ST6GALNAC5: variants seen among roughly 807,000 people sequenced by gnomAD.
The protein encoded by ST6GALNAC5 is ST6 N-acetylgalactosaminide alpha-2,6-sialyltransferase 5, also known as alpha-N-acetylgalactosaminide alpha-2,6-sialyltransferase 5.
ST6GALNAC5 carries 27 observed loss-of-function variants against 33.6 expected under a neutral mutation model. The observed-to-expected ratio is 0.80, with a 90% CI of 0.59 to 1.11. The LOEUF is 1.11. Among genes scored for constraint, ST6GALNAC5 ranks in the 50% least tolerant of loss-of-function variants. The pLI is 0.00. For synonymous variants in ST6GALNAC5, 194 were observed against 171.2 expected (o/e 1.13, Z -1.04); for missense variants, 428 against 454.0 (o/e 0.94, Z 0.52).
intron 2 of ST6GALNAC5, among the ~76,000 whole-genome samples, chr1:76,951,199 G>C (rs1404980871): frequency 1.3e-5 from 2 of 152,080 alleles, no homozygotes; most frequent in African/African-American, 2.4e-5. Flanking sequence ...CCTGAAAGAT[G>C]GCAGCTTCAA....
At chr1:76,959,033 G>C (rs111726553) in intron 2 of ST6GALNAC5, among the ~76,000 whole-genome samples, 2 of 152,122 alleles carry the variant, frequency 1.3e-5, no homozygotes. Flanking sequence ...AGCATTCACC[G>C]GCTGACTTTC....
chr1:77,034,711 G>A (rs1651587044), intron 2 of ST6GALNAC5, among the ~76,000 whole-genome samples: 1 of 152,220 alleles, frequency 6.6e-6, no homozygotes, highest in South Asian at 2.1e-4. Context: ...AGGTGGTGCA[G>A]AGGAAGGCAG....
intron 2 of ST6GALNAC5, among the ~76,000 whole-genome samples, chr1:76,897,115 T>C: frequency 6.6e-6 from 1 of 151,128 alleles, no homozygotes; most frequent in African/African-American, 2.5e-5. Flanking sequence ...TTGACTGAAG[T>C]AATGGGGGCT....
At chr1:76,924,979 C>T (rs1043159395) in intron 2 of ST6GALNAC5, among the ~76,000 whole-genome samples, 1 of 152,096 alleles carries the variant, frequency 6.6e-6, no homozygotes, top group Non-Finnish European at 1.5e-5. Context: ...CACAGTTCTG[C>T]TGGCTTCACA....
intron 2 of ST6GALNAC5, among the ~76,000 whole-genome samples, chr1:76,900,163 T>C (rs1646803208): frequency 6.6e-6 from 1 of 152,084 alleles, no homozygotes; most frequent in African/African-American, 2.4e-5. Context: ...TGTTCTCTGG[T>C]GGGCAGAGTG....
Position 76,952,998 on chromosome 1 carries a change from G to A in ST6GALNAC5, c.261+84256G>A, listed in dbSNP as rs143965921. 1.2e-4 allele frequency among the ~76,000 whole-genome samples: 19 copies of A among 152,002 alleles called. 1 individual carries two copies. The East Asian group carries it at 2.9e-3, about 23-fold the overall frequency. ...TCACTAAGAATAATACCCTAGTTTC[G>A]TCTACATAGTTGCATGTATCATTTC... On this transcript the variant is annotated intron_variant, in intron 2 of 4. Coordinates refer to ENST00000477717, the MANE Select transcript of ST6GALNAC5 (RefSeq NM_030965.3).
chr1:76,888,944 C>A (rs1653955732), intron 2 of ST6GALNAC5, among the ~76,000 whole-genome samples: 1 of 151,990 alleles, frequency 6.6e-6, no homozygotes, highest in African/African-American at 2.4e-5. Context: ...ACTCTGTTAG[C>A]AATTTTTAAA....
chr1:76,914,826 C>A (rs371842035), intron 2 of ST6GALNAC5, among the ~76,000 whole-genome samples: 26 of 152,194 alleles, frequency 1.7e-4, no homozygotes, highest in African/African-American at 4.1e-4. Flanking sequence ...GCAACAAAAG[C>A]CAAAATTGAC....
At chr1:77,060,718 T>C (rs1461613276) in intron 4 of ST6GALNAC5, among the ~76,000 whole-genome samples, 1 of 152,188 alleles carries the variant, frequency 6.6e-6, no homozygotes, top group Non-Finnish European at 1.5e-5. Context: ...GAGATGGTCT[T>C]CCTGAATAAG....
chr1:76,969,887 G>A (rs935400772), intron 2 of ST6GALNAC5, among the ~76,000 whole-genome samples: 1 of 152,164 alleles, frequency 6.6e-6, no homozygotes, highest in Non-Finnish European at 1.5e-5. Flanking sequence ...TGCAGCCTCT[G>A]CTGGTAATAC....
intron 2 of ST6GALNAC5, among the ~76,000 whole-genome samples, chr1:76,976,093 CA>C (rs929733938): frequency 3.3e-5 from 5 of 151,330 alleles, no homozygotes; most frequent in Admixed American, 1.3e-4. Flanking sequence ...AGATCCATCT[CA>C]AAAAAATAAA....
intron 2 of ST6GALNAC5, among the ~76,000 whole-genome samples, chr1:76,947,842 A>G (rs897560983): frequency 3.9e-5 from 6 of 152,120 alleles, no homozygotes; most frequent in African/African-American, 1.4e-4. Flanking sequence ...CCTCTATCCT[A>G]TGCTGACACA....
At chr1:76,916,616 G>C (rs1296953597) in intron 2 of ST6GALNAC5, among the ~76,000 whole-genome samples, 2 of 151,950 alleles carry the variant, frequency 1.3e-5, no homozygotes, top group African/African-American at 2.4e-5. Flanking sequence ...GCTTAATAAG[G>C]AGAAACCACA....
intron 2 of ST6GALNAC5, among the ~76,000 whole-genome samples, chr1:76,995,938 T>C (rs971194367): frequency 6.6e-6 from 1 of 152,200 alleles, no homozygotes; most frequent in Admixed American, 6.6e-5. Context: ...AATGAATGGC[T>C]AAAGGAGAGA....
chr1:76,984,862 T>C lies in ST6GALNAC5; in HGVS notation c.262-59342T>C, dbSNP rs146910685. Reference sequence around the variant, plus strand: ...CCTAGCATGCAAGGCTGTTTCAACATACACAAATCAATAAATGTAATCCAT... The same window carrying C: ...CCTAGCATGCAAGGCTGTTTCAACACACACAAATCAATAAATGTAATCCAT... On this transcript the variant is annotated intron_variant, in intron 2 of 4. Transcript: ENST00000477717. Among the ~76,000 whole-genome samples, 201 of 152,308 alleles carry C rather than the reference T, an allele frequency of 1.3e-3. 1 individual carries two copies. Among genetic ancestry groups the C allele is most frequent in the African/African-American group, 4.6e-3 (192 of 41,554 alleles).
In ST6GALNAC5 at chr1:77,012,662, C is replaced by T. The variant is rs371616139; in HGVS notation, c.262-31542C>T. On this transcript the variant is annotated intron_variant, in intron 2 of 4. Coordinates refer to ENST00000477717, the MANE Select transcript of ST6GALNAC5 (RefSeq NM_030965.3). ...CCAAGGAAGAGATTTTTATGACAAA[C>T]TTTTCTAGATGCTTTTTAGCTGAAG... 3.3e-5 allele frequency among the ~76,000 whole-genome samples: 5 copies of T among 152,118 alleles called. No individual in the cohort carries two copies. The East Asian group carries it at 7.7e-4, about 23-fold the overall frequency.
At chr1:76,872,291 G>A (rs1718921) in intron 2 of ST6GALNAC5, among the ~76,000 whole-genome samples, 10,538 of 152,142 alleles carry the variant, frequency 0.069, 796 homozygotes, top group African/African-American at 0.19. Context: ...CCCATTTCTA[G>A]AGGACAGGCT....
At chr1:77,055,546 T>C (rs967620145) in intron 4 of ST6GALNAC5, among the ~76,000 whole-genome samples, 12 of 152,240 alleles carry the variant, frequency 7.9e-5, no homozygotes, top group Non-Finnish European at 1.8e-4. Flanking sequence ...ATGAAACAGC[T>C]GCCCATGGTC....
intron 2 of ST6GALNAC5, among the ~76,000 whole-genome samples, chr1:76,925,063 G>A (rs1001568555): frequency 1.3e-5 from 2 of 152,068 alleles, no homozygotes; most frequent in South Asian, 2.1e-4. Context: ...GGTGAAGGGG[G>A]AGCCAGGGCA....
Sources: gnomAD v4.1 joint callset for allele counts (sites outside exome capture counted in the v4.1 genomes callset) on GRCh38, gnomAD v4.1.1 for gene constraint, MANE v1.5 for transcripts, NCBI Gene and HGNC (gene_info 2026-07-23, HGNC 2026-07-21) for gene names.